The following TBL1XR1 variants were observed in gnomAD, a reference collection of about 807,000 sequenced individuals.
TBL1XR1 encodes the protein F-box-like/WD repeat-containing protein TBL1XR1.
TBL1XR1 carries 5 observed loss-of-function variants against 66.9 expected under a neutral mutation model. The observed-to-expected ratio is 0.07, with a 90% CI of 0.04 to 0.16. TBL1XR1 has a LOEUF of 0.16. TBL1XR1 is among the 10% of genes least tolerant of loss of function. The probability of loss-of-function intolerance (pLI) is 1.00; values close to 1 mark genes in which losing one functional copy is unlikely to be tolerated. For missense variants in TBL1XR1, 238 were observed against 623.2 expected, an observed-to-expected ratio of 0.38 and a Z score of 6.58; for synonymous variants, 210 against 206.0, an observed-to-expected ratio of 1.02 and a Z score of -0.17.
At chr3:177,049,171 G>T (rs80022223) in intron 7 of TBL1XR1, among the ~76,000 whole-genome samples, 1 of 152,138 alleles carries the variant, frequency 6.6e-6, no homozygotes, top group Non-Finnish European at 1.5e-5. Context: ...TTTAAAGATA[G>T]ATCTCATTCC....
At chr3:177,151,578 A>G (rs1193655092) in intron 1 of TBL1XR1, among the ~76,000 whole-genome samples, 3 of 152,172 alleles carry the variant, frequency 2.0e-5, no homozygotes, top group African/African-American at 4.8e-5. Context: ...TGTCTTCCAT[A>G]AAACTGGTCC....
At chr3:177,080,242 C>A (rs1483701169) in intron 2 of TBL1XR1, among the ~76,000 whole-genome samples, 3 of 152,168 alleles carry the variant, frequency 2.0e-5, no homozygotes, top group Non-Finnish European at 4.4e-5. Context: ...GCCTTAGTAA[C>A]ATTATCAGGC....
intron 3 of TBL1XR1, among the ~76,000 whole-genome samples, chr3:177,061,045 T>G (rs1049188167): frequency 1.1e-4 from 16 of 152,220 alleles, no homozygotes; most frequent in Non-Finnish European, 2.1e-4. Flanking sequence ...GTAATTTGCG[T>G]AGGGTGAACT....
chr3:177,128,142 C>T (rs1248941278), intron 1 of TBL1XR1, among the ~76,000 whole-genome samples: 1 of 151,902 alleles, frequency 6.6e-6, no homozygotes, highest in Non-Finnish European at 1.5e-5. Context: ...TCACCTAGAC[C>T]CAGGAGGTGG....
intron 1 of TBL1XR1, among the ~76,000 whole-genome samples, chr3:177,168,719 T>C (rs1318702802): frequency 2.0e-5 from 3 of 152,260 alleles, no homozygotes; most frequent in Non-Finnish European, 4.4e-5. Context: ...ATACATTTAA[T>C]GCTATAATAA....
chr3:177,106,569 T>A (rs917730803), intron 1 of TBL1XR1, among the ~76,000 whole-genome samples: 1 of 152,222 alleles, frequency 6.6e-6, no homozygotes, highest in African/African-American at 2.4e-5. Context: ...TGGCTCTGAC[T>A]CTTAGTAACT....
chr3:177,142,978 G>T (rs572806621), intron 1 of TBL1XR1, among the ~76,000 whole-genome samples: 1 of 151,830 alleles, frequency 6.6e-6, no homozygotes, highest in South Asian at 2.1e-4. Flanking sequence ...CCTTTGGGTG[G>T]TCTATTTAGT....
At chr3:177,176,781 C>A (rs1445633267) in intron 1 of TBL1XR1, among the ~76,000 whole-genome samples, 1 of 151,996 alleles carries the variant, frequency 6.6e-6, no homozygotes, top group Non-Finnish European at 1.5e-5. Context: ...CGCCACTGCA[C>A]TCCAGCCTGG....
At chr3:177,131,435 T>C (rs1728277956) in intron 1 of TBL1XR1, 6 of 973,274 alleles carry the variant, frequency 6.2e-6, no homozygotes, top group African/African-American at 1.8e-5. Flanking sequence ...CTTCCAAAGA[T>C]ACTTATTCCC....
intron 1 of TBL1XR1, among the ~76,000 whole-genome samples, chr3:177,186,894 T>C (rs35169954): frequency 0.45 from 67,998 of 151,568 alleles, 17,127 homozygotes; most frequent in Non-Finnish European, 0.56. Context: ...CGGCCAGGCG[T>C]GGTGGCTCAC....
In TBL1XR1 at chr3:177,051,580, T is replaced by TGCAGCTGCGGCAGCTGCA. The variant is rs1462665726; in HGVS notation, c.333_350dup (p.Ala113_Ala118dup). 6.8e-6 allele frequency: 11 copies of TGCAGCTGCGGCAGCTGCA among 1,613,770 alleles called. No homozygotes were observed. The highest frequency in any genetic ancestry group is 2.2e-5 in the South Asian group (2 of 91,070). On this transcript the variant is annotated inframe_insertion, in exon 5 of 16. Coordinates refer to ENST00000457928, the MANE Select transcript of TBL1XR1 (RefSeq NM_024665.7). ...TTTTTGCAGATCCTTGTTGGCTGGCTGCAGCTGCGGCAGCTGCAGCAGCTG... is the reference window on the plus strand; with the variant it reads ...TTTTTGCAGATCCTTGTTGGCTGGCTGCAGCTGCGGCAGCTGCAGCAGCTGCGGCAGCTGCAGCAGCTG...
chr3:177,028,431 T>G (rs1253836062), intron 14 of TBL1XR1, among the ~76,000 whole-genome samples: 1 of 152,204 alleles, frequency 6.6e-6, no homozygotes, highest in Admixed American at 6.5e-5. Context: ...AAAATTGATT[T>G]TGTCACAATG....
At chr3:177,064,277 A>G (rs1175100096) in intron 3 of TBL1XR1, among the ~76,000 whole-genome samples, 1 of 152,102 alleles carries the variant, frequency 6.6e-6, no homozygotes, top group Non-Finnish European at 1.5e-5. Context: ...TCACCATCCT[A>G]TACCTCCACC....
At chr3:177,088,519 T>C (rs1394905296) in intron 2 of TBL1XR1, among the ~76,000 whole-genome samples, 1 of 152,190 alleles carries the variant, frequency 6.6e-6, no homozygotes, top group African/African-American at 2.4e-5. Flanking sequence ...GTATTTTGGA[T>C]AACCAATGCT....
chr3:177,179,829 T>C (rs1734593059), intron 1 of TBL1XR1, among the ~76,000 whole-genome samples: 1 of 152,070 alleles, frequency 6.6e-6, no homozygotes, highest in Admixed American at 6.5e-5. Flanking sequence ...ATGAATCATC[T>C]GGAAGAAAAC....
chr3:177,198,329 T>C, upstream of TBL1XR1, among the ~76,000 whole-genome samples: 1 of 152,216 alleles, frequency 6.6e-6, no homozygotes, highest in East Asian at 1.9e-4. Flanking sequence ...CTGGTGGGTC[T>C]GTTTGAAAGG....
At chr3:177,201,662 CTT>C (rs1176643460), upstream of TBL1XR1, 2 of 152,140 alleles carry the variant, frequency 1.3e-5, no homozygotes, top group East Asian at 3.8e-4. Flanking sequence ...TCAAAACAAA[CTT>C]AATTGTATAA....
chr3:177,094,151 T>C (rs1300390747), intron 2 of TBL1XR1, among the ~76,000 whole-genome samples: 1 of 151,528 alleles, frequency 6.6e-6, no homozygotes, highest in Non-Finnish European at 1.5e-5. Context: ...AATAATCCTA[T>C]AAAAAAGTGG....
intron 1 of TBL1XR1, among the ~76,000 whole-genome samples, chr3:177,129,581 G>A (rs1182083258): frequency 6.6e-6 from 1 of 152,120 alleles, no homozygotes; most frequent in African/African-American, 2.4e-5. Flanking sequence ...CTTTCCAGAG[G>A]CTGGGGATAG....
Sources: gnomAD v4.1 joint callset for allele counts (sites outside exome capture counted in the v4.1 genomes callset) on GRCh38, gnomAD v4.1.1 for gene constraint, MANE v1.5 for transcripts, NCBI Gene and HGNC (gene_info 2026-07-23, HGNC 2026-07-21) for gene names.